The following MGAT5 variants were observed in gnomAD, a reference collection of about 807,000 sequenced individuals.
MGAT5 encodes alpha-1,6-mannosylglycoprotein 6-beta-N-acetylglucosaminyltransferase A.
In MGAT5, 30 loss-of-function variants were observed where a neutral mutation model predicts 94.3. The observed-to-expected ratio is 0.32, with a 90% confidence interval of 0.24 to 0.43. The LOEUF is 0.43. Ranked by LOEUF, MGAT5 falls within the 20% of genes least tolerant of loss-of-function variation. The pLI, the probability that MGAT5 is intolerant of heterozygous loss-of-function variation, is 1.00. For missense variants in MGAT5, 691 were observed against 905.5 expected, an observed-to-expected ratio of 0.76 and a Z score of 3.04; for synonymous variants, 310 against 322.9, an observed-to-expected ratio of 0.96 and a Z score of 0.43.
intron 2 of MGAT5, among the ~76,000 whole-genome samples, chr2:134,302,743 TG>T (rs1686100103): frequency 6.6e-6 from 1 of 150,854 alleles, no homozygotes; most frequent in Non-Finnish European, 1.5e-5. Flanking sequence ...TGTGTGTGTG[TG>T]TGTGTGTGTG....
chr2:134,175,030 T>C (rs1688393400), intron 1 of MGAT5, among the ~76,000 whole-genome samples: 1 of 152,200 alleles, frequency 6.6e-6, no homozygotes, highest in Admixed American at 6.5e-5. Context: ...CTTGCTTTCC[T>C]CCTGGCCCAT....
Position 134,422,904 on chromosome 2 carries a change from A to G in MGAT5, c.1779A>G (p.Ala593=). ...AGGAAGTAGAGGATGCAGTGAAAGC[A>G]ATTTTAAATCAGAAGGTTGGTTCAT... ...NQEEVEDAVK[A]ILNQKIEPYM... The change falls in exon 13 of 16, where the codon GCA becomes GCG. Residue 593 remains alanine (A), a synonymous_variant. Transcript: ENST00000281923. 6.2e-7 allele frequency: 1 copy of G among 1,613,220 alleles called. No individual in the cohort carries two copies.
chr2:134,142,376 G>A (rs1476758998), intron 1 of MGAT5, among the ~76,000 whole-genome samples: 1 of 152,218 alleles, frequency 6.6e-6, no homozygotes, highest in East Asian at 1.9e-4. Flanking sequence ...GCCCGGCCCC[G>A]CCTGAGTGGA....
intron 2 of MGAT5, among the ~76,000 whole-genome samples, chr2:134,289,167 G>T (rs1170690845): frequency 6.6e-5 from 10 of 152,078 alleles, no homozygotes; most frequent in Non-Finnish European, 1.0e-4. Flanking sequence ...TGCCCTATAG[G>T]TTGGGCACCG....
At chr2:134,423,222 C>G (rs1022496604) in intron 13 of MGAT5, among the ~76,000 whole-genome samples, 6 of 152,178 alleles carry the variant, frequency 3.9e-5, no homozygotes, top group African/African-American at 1.4e-4. Flanking sequence ...TTATGTTGCT[C>G]TCACAGAGAT....
At chr2:134,345,760 C>T (rs191900092) in intron 8 of MGAT5, among the ~76,000 whole-genome samples, 30 of 152,116 alleles carry the variant, frequency 2.0e-4, no homozygotes, top group Non-Finnish European at 2.4e-4. Flanking sequence ...ACTCTGTGTC[C>T]GACACTACTT....
rs1190491606 is a variant in MGAT5 at position 134,205,089 on chromosome 2, G to A, written c.-142-49173G>A. ...TCGGCATGTTCAGGAGAGGACAGAA[G>A]GCCAGAGTTGTGTGCATGGCATGTG... On this transcript the variant is annotated intron_variant, in intron 1 of 16. Coordinates refer to the MGAT5 transcript ENST00000409645. Among the ~76,000 whole-genome samples, 42 of 152,224 alleles carry A rather than the reference G, an allele frequency of 2.8e-4. 1 individual carries two copies. Among genetic ancestry groups the A allele is most frequent in the Admixed American group, 2.7e-3 (42 of 15,286 alleles).
intron 10 of MGAT5, among the ~76,000 whole-genome samples, chr2:134,367,193 G>T (rs1264937950): frequency 6.6e-6 from 1 of 152,204 alleles, no homozygotes; most frequent in East Asian, 1.9e-4. Context: ...ACATTACTTA[G>T]CTGGTGCACA....
intron 1 of MGAT5, among the ~76,000 whole-genome samples, chr2:134,237,085 GAGGTAGGTAGGAT>G (rs1681675187): frequency 6.6e-6 from 1 of 151,412 alleles, no homozygotes; most frequent in Admixed American, 6.6e-5. Context: ...TTGCAAGTTT[GAGGTAGGTAGGAT>G]AGGTAGGTTA....
At chr2:134,380,248 G>A (rs747965066) in intron 10 of MGAT5, among the ~76,000 whole-genome samples, 11 of 152,346 alleles carry the variant, frequency 7.2e-5, no homozygotes, top group Non-Finnish European at 1.3e-4. Context: ...TCATGGGATT[G>A]TGGAAAGAAA....
intron 1 of MGAT5, among the ~76,000 whole-genome samples, chr2:134,134,270 T>G (rs1686307920): frequency 6.6e-6 from 1 of 152,174 alleles, no homozygotes; most frequent in Non-Finnish European, 1.5e-5. Context: ...TTGGATGCCT[T>G]TAATTAATAA....
chr2:134,359,806 G>A (rs983394080), intron 9 of MGAT5, among the ~76,000 whole-genome samples: 6 of 152,160 alleles, frequency 3.9e-5, no homozygotes, highest in Non-Finnish European at 7.3e-5. Flanking sequence ...GCACCATTAA[G>A]AACACTTGTG....
At chr2:134,273,503 A>T (rs770668150) in intron 2 of MGAT5, among the ~76,000 whole-genome samples, 1 of 151,984 alleles carries the variant, frequency 6.6e-6, no homozygotes, top group South Asian at 2.1e-4. Flanking sequence ...CTGATTGCTT[A>T]TTGTTGTGTC....
chr2:134,428,382 A>G lies in MGAT5; in HGVS notation c.1812A>G (p.Pro604=). 6.2e-7 allele frequency: 1 copy of G among 1,614,146 alleles called. No individual in the cohort carries two copies. Among genetic ancestry groups the G allele is most frequent in the Non-Finnish European group, 8.5e-7 (1 of 1,179,996 alleles). Residue 604 remains proline, a synonymous_variant, in exon 14 of 16, where the codon CCA becomes CCG. Transcript: ENST00000281923. ...TTCCACAGATTGAGCCATACATGCC[A>G]TATGAATTTACGTGCGAGGGGATGC... is the stretch of plus-strand genomic sequence containing the variant. ...ILNQKIEPYM[P]YEFTCEGMLQ... is the part of the protein sequence containing the mutation.
chr2:134,416,765 ATTTTTT>A (rs10548586), intron 12 of MGAT5, among the ~76,000 whole-genome samples: 6,510 of 130,686 alleles, frequency 0.05, 341 homozygotes, highest in African/African-American at 0.13. Context: ...CAGCTAATTA[ATTTTTT>A]TTTTTTTTTT....
At chr2:134,306,483 G>T (rs540283787) in intron 2 of MGAT5, among the ~76,000 whole-genome samples, 1 of 152,136 alleles carries the variant, frequency 6.6e-6, no homozygotes, top group African/African-American at 2.4e-5. Context: ...GGACGGACAA[G>T]ACAGGCACAG....
At chr2:134,169,835 G>A (rs1247538106) in intron 1 of MGAT5, among the ~76,000 whole-genome samples, 1 of 152,202 alleles carries the variant, frequency 6.6e-6, no homozygotes, top group Non-Finnish European at 1.5e-5. Flanking sequence ...TGAACAGAGA[G>A]CCAAGGGTGG....
chr2:134,445,732 G>T (rs1685736338), intron 15 of MGAT5, among the ~76,000 whole-genome samples: 1 of 152,234 alleles, frequency 6.6e-6, no homozygotes, highest in Admixed American at 6.5e-5. Flanking sequence ...GCACACTGCG[G>T]TGGGGTCTCT....
chr2:134,170,941 C>T (rs1367698488), intron 1 of MGAT5, among the ~76,000 whole-genome samples: 1 of 151,794 alleles, frequency 6.6e-6, no homozygotes, highest in Non-Finnish European at 1.5e-5. Context: ...TCACTGTAAC[C>T]TCTGCCTCCT....
Sources: gnomAD v4.1 joint callset for allele counts (sites outside exome capture counted in the v4.1 genomes callset) on GRCh38, gnomAD v4.1.1 for gene constraint, MANE v1.5 for transcripts, NCBI Gene and HGNC (gene_info 2026-07-23, HGNC 2026-07-21) for gene names.